The following DMD variants were observed in gnomAD, a reference collection of about 807,000 sequenced individuals.
The protein encoded by DMD is dystrophin, also known as mutant dystrophin.
In DMD, 63 loss-of-function variants were observed where a neutral mutation model predicts 330.1. The ratio of observed to expected loss-of-function variants is 0.19; its 90% confidence interval spans 0.16 to 0.24. The LOEUF is 0.24. Among genes scored for constraint, DMD ranks in the 10% least tolerant of loss-of-function variants. DMD has a pLI of 1.00. For missense variants in DMD, 3,344 were observed against 2,684.1 expected (o/e 1.25, Z -5.43); for synonymous variants, 1,223 against 959.8 (o/e 1.27, Z -5.07).
At chrX:32,115,254 G>A (rs1412220761) in intron 44 of DMD, among the ~76,000 whole-genome samples, 13 of 110,911 alleles carry the variant, frequency 1.2e-4, no homozygotes, top group Non-Finnish European at 1.3e-4. Context: ...TATTTATTTT[G>A]AGACAGGGTC....
intron 43 of DMD, among the ~76,000 whole-genome samples, chrX:32,279,646 A>T (rs776667442): frequency 1.3e-3 from 113 of 87,133 alleles, no homozygotes; most frequent in African/African-American, 4.6e-3. Flanking sequence ...GGGTGGAAGG[A>T]TGGTTACCAG....
chrX:31,521,007 T>A (rs2072702993), intron 55 of DMD, among the ~76,000 whole-genome samples: 1 of 110,991 alleles, frequency 9.0e-6, no homozygotes, highest in African/African-American at 3.3e-5. Flanking sequence ...TGAGAACAAG[T>A]ACATTTGGAA....
At chrX:31,860,854 A>G (rs924236114) in intron 48 of DMD, among the ~76,000 whole-genome samples, 1 of 112,293 alleles carries the variant, frequency 8.9e-6, no homozygotes, top group South Asian at 3.7e-4. Context: ...AAATATTTAC[A>G]TATTAGTTAA....
chrX:31,403,604 A>G (rs761080189), intron 60 of DMD, among the ~76,000 whole-genome samples: 1 of 111,875 alleles, frequency 8.9e-6, no homozygotes. Context: ...AAATAAGTTT[A>G]TTAGAAATAT....
chrX:31,489,298 G>A (rs985069298), intron 57 of DMD, among the ~76,000 whole-genome samples: 1 of 111,455 alleles, frequency 9.0e-6, no homozygotes, highest in African/African-American at 3.3e-5. Flanking sequence ...GTGTCACCAC[G>A]CCCAGCTAGT....
chrX:32,689,325 T>C (rs1354231442), intron 9 of DMD, among the ~76,000 whole-genome samples: 1 of 110,952 alleles, frequency 9.0e-6, no homozygotes, highest in East Asian at 2.8e-4. Context: ...AAAACATGGT[T>C]AAATTCCTAG....
intron 50 of DMD, among the ~76,000 whole-genome samples, chrX:31,791,896 A>T (rs2091589531): frequency 8.9e-6 from 1 of 112,010 alleles, no homozygotes; most frequent in South Asian, 3.7e-4. Context: ...AATTGGAAGG[A>T]AATTATGGAA....
At chrX:32,677,729 T>C (rs1007807918) in intron 9 of DMD, among the ~76,000 whole-genome samples, 4 of 111,543 alleles carry the variant, frequency 3.6e-5, no homozygotes, top group Non-Finnish European at 5.7e-5. Context: ...AATAATGATA[T>C]GAGGAAATAA....
intron 7 of DMD, among the ~76,000 whole-genome samples, chrX:32,807,140 A>C (rs1258663759): frequency 9.6e-6 from 1 of 104,415 alleles, no homozygotes; most frequent in Non-Finnish European, 2.0e-5. Context: ...AAAAAAAAAA[A>C]AAAAAAAAAC....
chrX:31,661,045 C>A (rs1363469134), intron 53 of DMD, among the ~76,000 whole-genome samples: 2 of 111,827 alleles, frequency 1.8e-5, no homozygotes, highest in Non-Finnish European at 3.8e-5. Context: ...AAATAGTAAG[C>A]TAGAGTTAAA....
intron 49 of DMD, among the ~76,000 whole-genome samples, chrX:31,825,879 A>T (rs2092883891): frequency 8.9e-6 from 1 of 111,994 alleles, no homozygotes; most frequent in Non-Finnish European, 1.9e-5. Flanking sequence ...ACATGGATAT[A>T]ATAATACCAC....
At position 32,892,985 on chromosome X, in the gene DMD, G is replaced by C. The variant is rs766945077; in HGVS notation, c.94-43165C>G. Among the ~76,000 whole-genome samples, 3 of 111,872 alleles carry C rather than the reference G, an allele frequency of 2.7e-5. No homozygotes were observed. The East Asian group carries it at 8.5e-4, about 32-fold the overall frequency. Reference sequence around the variant, plus strand: ...ATTTTCTCCTGGGAAGTTTATGTTAGAGTAAAAATCATGTATCATTAGGGA... The same window carrying C: ...ATTTTCTCCTGGGAAGTTTATGTTACAGTAAAAATCATGTATCATTAGGGA... On this transcript the variant is annotated intron_variant, in intron 2 of 78. Coordinates refer to ENST00000357033, the MANE Select transcript of DMD (RefSeq NM_004006.3).
chrX:32,224,531 G>T (rs1243240408), intron 43 of DMD, among the ~76,000 whole-genome samples: 2 of 111,417 alleles, frequency 1.8e-5, no homozygotes, highest in African/African-American at 6.5e-5. Flanking sequence ...TCCCAATTTT[G>T]ATCTGCTCAC....
At chrX:31,208,831 A>G (rs1001536732) in intron 65 of DMD, among the ~76,000 whole-genome samples, 2 of 108,962 alleles carry the variant, frequency 1.8e-5, no homozygotes, top group Middle Eastern at 4.7e-3. Context: ...CCCTTCTTCA[A>G]TTGTCTTCAT....
intron 7 of DMD, among the ~76,000 whole-genome samples, chrX:32,715,503 T>G (rs1287051232): frequency 2.0e-5 from 2 of 101,173 alleles, no homozygotes; most frequent in African/African-American, 3.7e-5. Flanking sequence ...AAAGGAGATC[T>G]TGACCAGGTG....
Position 31,250,683 on chromosome X carries a change from G to C in DMD, c.9286+10272C>G, listed in dbSNP as rs191918276. Among the ~76,000 whole-genome samples the C allele has an allele frequency of 2.4e-3, 264 of 111,538 alleles. 2 individuals are homozygous for C. Among genetic ancestry groups the C allele is most frequent in the African/African-American group, 8.1e-3 (250 of 30,689 alleles). On this transcript the variant is annotated intron_variant, in intron 63 of 78. Coordinates refer to ENST00000357033, the MANE Select transcript of DMD (RefSeq NM_004006.3). ...TCATCTCATGGAGCAGGGTACAGACGAGGTCAAGTGTTGTTGAACTTGACT... is the reference window on the plus strand; with the variant it reads ...TCATCTCATGGAGCAGGGTACAGACCAGGTCAAGTGTTGTTGAACTTGACT...
intron 44 of DMD, among the ~76,000 whole-genome samples, chrX:32,178,977 T>TCCCTCTCC (rs2096917464): frequency 2.9e-5 from 3 of 104,439 alleles, no homozygotes; most frequent in Non-Finnish European, 5.9e-5. Context: ...TCTCTCTCTC[T>TCCCTCTCC]CTCTCCCTCT....
intron 9 of DMD, among the ~76,000 whole-genome samples, chrX:32,693,102 GAGAA>G (rs2063400697): frequency 1.8e-5 from 2 of 111,495 alleles, no homozygotes; most frequent in Admixed American, 1.9e-4. Context: ...GATGTCATAT[GAGAA>G]AGACTCAATT....
intron 61 of DMD, among the ~76,000 whole-genome samples, chrX:31,338,241 G>C (rs748996406): frequency 9.6e-6 from 1 of 104,565 alleles, no homozygotes; most frequent in Non-Finnish European, 2.0e-5. Flanking sequence ...CGAGGCAGGC[G>C]GATCAGGAGA....
Sources: gnomAD v4.1 joint callset for allele counts (sites outside exome capture counted in the v4.1 genomes callset) on GRCh38, gnomAD v4.1.1 for gene constraint, MANE v1.5 for transcripts, NCBI Gene and HGNC (gene_info 2026-07-23, HGNC 2026-07-21) for gene names.